LIPC: variants seen among roughly 807,000 people sequenced by gnomAD.
LIPC encodes hepatic triacylglycerol lipase.
In LIPC, 44 loss-of-function variants were observed where a neutral mutation model predicts 50.7. The observed-to-expected ratio is 0.87, with a 90% CI of 0.68 to 1.11. The LOEUF (loss-of-function observed/expected upper bound fraction) is 1.11. LIPC is among the 50% of genes most tolerant of loss of function. The pLI is 0.00. For missense variants in LIPC, 697 were observed against 648.2 expected, an observed-to-expected ratio of 1.08 and a Z score of -0.82; for synonymous variants, 271 against 256.4, an observed-to-expected ratio of 1.06 and a Z score of -0.54.
chr15:58,440,124 T>A (rs1313479253), intron 1 of LIPC, among the ~76,000 whole-genome samples: 2 of 152,208 alleles, frequency 1.3e-5, no homozygotes, highest in African/African-American at 4.8e-5. Context: ...ATAAAATATC[T>A]ACATGCTAAA....
chr15:58,490,089 T>C (rs1250653290), intron 1 of LIPC, among the ~76,000 whole-genome samples: 1 of 152,242 alleles, frequency 6.6e-6, no homozygotes, highest in African/African-American at 2.4e-5. Context: ...CAAACCAGTC[T>C]GAGACAGGAT....
intron 1 of LIPC, among the ~76,000 whole-genome samples, chr15:58,517,040 C>A (rs1173503958): frequency 6.6e-6 from 1 of 152,188 alleles, no homozygotes; most frequent in Non-Finnish European, 1.5e-5. Context: ...TAGATGGGAC[C>A]AGAACAGCCT....
chr15:58,543,007 C>G (rs1165997931), intron 4 of LIPC, among the ~76,000 whole-genome samples: 1 of 152,156 alleles, frequency 6.6e-6, no homozygotes, highest in Non-Finnish European at 1.5e-5. Flanking sequence ...AGAATCACAG[C>G]CTTAATTTGC....
intron 8 of LIPC, chr15:58,563,926 T>C: frequency 1.6e-6 from 1 of 615,176 alleles, no homozygotes; most frequent in Admixed American, 2.2e-5. Flanking sequence ...ACCCAGGTCT[T>C]TGAATACACA....
intron 5 of LIPC, among the ~76,000 whole-genome samples, 173 bp from the exon 6 acceptor site, chr15:58,548,157 T>G (rs1893602408): frequency 3.9e-5 from 6 of 151,994 alleles, no homozygotes; most frequent in Non-Finnish European, 1.5e-5. Flanking sequence ...TTCCCTTAGT[T>G]TCAGTCAGTT....
intron 1 of LIPC, among the ~76,000 whole-genome samples, chr15:58,512,202 G>A (rs951304941): frequency 2.0e-5 from 3 of 151,540 alleles, no homozygotes; most frequent in East Asian, 3.9e-4. Flanking sequence ...AGGTTCAAGC[G>A]ATTCTCCTGC....
intron 1 of LIPC, among the ~76,000 whole-genome samples, chr15:58,529,473 G>A (rs1892895248): frequency 6.6e-6 from 1 of 152,316 alleles, no homozygotes; most frequent in South Asian, 2.1e-4. Flanking sequence ...TACTACCCTG[G>A]TCACCCCAAT....
chr15:58,566,037 C>T, intron 8 of LIPC: 6 of 984,120 alleles, frequency 6.1e-6, no homozygotes, highest in Non-Finnish European at 7.2e-6. Flanking sequence ...CTCAAACTTT[C>T]ACGAGCATAC....
At chr15:58,567,249 GTA>G (rs1555408068) in intron 8 of LIPC, among the ~76,000 whole-genome samples, 8 of 108,822 alleles carry the variant, frequency 7.4e-5, no homozygotes, top group Admixed American at 2.1e-4. Flanking sequence ...GTGTGTGTGT[GTA>G]TATATATATG....
At chr15:58,553,421 C>T (rs540383747) in intron 6 of LIPC, among the ~76,000 whole-genome samples, 5 of 152,152 alleles carry the variant, frequency 3.3e-5, no homozygotes, top group African/African-American at 7.2e-5. Flanking sequence ...CAAAGCAAGA[C>T]GCCATCTCTA....
chr15:58,492,888 G>A (rs914900115), intron 1 of LIPC, among the ~76,000 whole-genome samples: 5 of 152,112 alleles, frequency 3.3e-5, no homozygotes, highest in African/African-American at 1.2e-4. Context: ...AGGAGAGGGG[G>A]CCCTGGGCAA....
At chr15:58,451,919 C>A (rs907041525) in intron 1 of LIPC, among the ~76,000 whole-genome samples, 7 of 152,164 alleles carry the variant, frequency 4.6e-5, no homozygotes, top group Admixed American at 4.6e-4. Context: ...GGGGAAAATC[C>A]TGGGCAGCAT....
intron 2 of LIPC, among the ~76,000 whole-genome samples, chr15:58,538,755 G>A (rs1229525206): frequency 6.6e-6 from 1 of 152,132 alleles, no homozygotes; most frequent in Non-Finnish European, 1.5e-5. Flanking sequence ...GATAGAATGT[G>A]GCTCAAAGAG....
chr15:58,517,990 C>T (rs1345369491), intron 1 of LIPC, among the ~76,000 whole-genome samples: 4 of 152,192 alleles, frequency 2.6e-5, no homozygotes, highest in African/African-American at 7.2e-5. Flanking sequence ...CTATTCATTC[C>T]GCTGTGTCTG....
intron 1 of LIPC, among the ~76,000 whole-genome samples, chr15:58,447,898 G>A (rs567225164): frequency 1.3e-5 from 2 of 152,310 alleles, no homozygotes; most frequent in East Asian, 3.9e-4. Context: ...TCTAGCACTG[G>A]AGGAACAAGG....
At chr15:58,551,985 G>T (rs1226243451) in intron 6 of LIPC, among the ~76,000 whole-genome samples, 1 of 152,218 alleles carries the variant, frequency 6.6e-6, no homozygotes, top group African/African-American at 2.4e-5. Flanking sequence ...AACAGTCGCC[G>T]AGTGAAACGA....
chr15:58,563,392 G>A lies in LIPC; in HGVS notation c.1170-113G>A, dbSNP rs1273824196. ...TCTGTTGAACACTAGTTTGGGAAATGCAGCAAAAATCCCAAGTCATTCAGG... is the reference window on the plus strand; with the variant it reads ...TCTGTTGAACACTAGTTTGGGAAATACAGCAAAAATCCCAAGTCATTCAGG... On this transcript the variant is annotated intron_variant, in intron 7 of 8. Transcript: ENST00000299022. The A allele has an allele frequency of 4.7e-6, 4 of 858,098 alleles. No homozygotes were observed. The African/African-American group carries it at 5.0e-5, about 11-fold the overall frequency. The allele number at this position is 858,098 out of a possible 1,614,324, so 53.2% of individuals were successfully genotyped here. A position where few individuals can be genotyped will look rare whatever the true frequency, so the allele number is the denominator to read the frequency against.
intron 1 of LIPC, chr15:58,454,731 CCA>C (rs1405164762): frequency 1.3e-5 from 2 of 152,226 alleles, no homozygotes; most frequent in East Asian, 3.9e-4. Context: ...CATGCCCTTA[CCA>C]CGTGCAGCGC....
intron 1 of LIPC, 38 bp downstream of exon 1, chr15:58,432,158 T>A (rs1207210416): frequency 6.9e-7 from 1 of 1,447,366 alleles, no homozygotes; most frequent in Non-Finnish European, 9.7e-7. Context: ...GGGCATGAAC[T>A]TTTCTTTTTA....
Sources: allele counts gnomAD v4.1 joint callset (sites outside exome capture counted in the v4.1 genomes callset), GRCh38; gene constraint gnomAD v4.1.1; transcripts MANE v1.5; gene names NCBI Gene and HGNC (gene_info 2026-07-23, HGNC 2026-07-21).